Variants in GCLC observed in about 807,000 individuals in gnomAD.
GCLC encodes glutamate--cysteine ligase catalytic subunit.
Under a neutral mutation model 81.5 loss-of-function variants are expected in GCLC, and 30 were observed. The ratio of observed to expected loss-of-function variants is 0.37; its 90% CI spans 0.28 to 0.50. The LOEUF (loss-of-function observed/expected upper bound fraction) is 0.50. Ranked by LOEUF, GCLC falls within the 20% of genes least tolerant of loss-of-function variation. The pLI is 0.96. For missense variants in GCLC, 556 were observed against 777.4 expected (o/e 0.72, Z 3.39); for synonymous variants, 262 against 273.3 (o/e 0.96, Z 0.41).
intron 9 of GCLC, 146 bp downstream of exon 9, chr6:53,507,334 C>G: frequency 1.2e-6 from 1 of 818,608 alleles, no homozygotes; most frequent in Non-Finnish European, 2.0e-6. Context: ...GAACCTGAAA[C>G]TTTAGGAACA....
Position 53,497,428 on chromosome 6 carries a change from A to T in GCLC, c.*1328T>A, listed in dbSNP as rs1420560299. The stretch of plus-strand genomic sequence containing the variant: ...TGCCTTTTTACAACCTGATTTACAC[A>T]AGCAAATTGCAAACGAAAACCAGGC... On this transcript the variant is annotated 3_prime_UTR_variant, in exon 16 of 16. Coordinates refer to ENST00000650454, the MANE Select transcript of GCLC (RefSeq NM_001498.4). 6.6e-6 allele frequency: 1 copy of T among 152,230 alleles called. No individual in the cohort carries two copies. The highest frequency in any genetic ancestry group is 2.4e-5 in the African/African-American group (1 of 41,466). The allele number at this position is 152,230 out of a possible 1,614,324, so 9.4% of individuals were successfully genotyped here.
intron 1 of GCLC, among the ~76,000 whole-genome samples, chr6:53,531,719 G>C (rs1162383697): frequency 6.6e-6 from 1 of 152,188 alleles, no homozygotes; most frequent in African/African-American, 2.4e-5. Flanking sequence ...CTCCTTCAGA[G>C]ACCTTTGCTG....
intron 1 of GCLC, among the ~76,000 whole-genome samples, chr6:53,524,749 C>G (rs1262658247): frequency 2.0e-5 from 3 of 152,216 alleles, no homozygotes; most frequent in African/African-American, 7.2e-5. Flanking sequence ...CTGAGTGCAT[C>G]ATTTATTTTT....
At chr6:53,522,351 A>C in intron 2 of GCLC, 64 bp downstream of exon 2, 1 of 973,822 alleles carries the variant, frequency 1.0e-6, no homozygotes. Flanking sequence ...TAATTGAGAA[A>C]AAACTCTATA....
chr6:53,511,584 AT>A (rs1764742571), intron 6 of GCLC, among the ~76,000 whole-genome samples: 1 of 152,144 alleles, frequency 6.6e-6, no homozygotes, highest in African/African-American at 2.4e-5. Context: ...TGACTTAGTT[AT>A]TTTAAATGCA....
At chr6:53,505,361 T>C (rs1222895145) in intron 12 of GCLC, 31 bp downstream of exon 12, 3 of 875,680 alleles carry the variant, frequency 3.4e-6, no homozygotes, top group Non-Finnish European at 5.9e-6. Flanking sequence ...GATAGATCTA[T>C]ACCCATCACC....
In GCLC at chr6:53,522,530, A is replaced by G; in HGVS notation, c.151-3T>C. 1.3e-6 allele frequency: 2 copies of G among 1,556,216 alleles called. No homozygotes were observed. The highest frequency in any genetic ancestry group is 1.8e-6 in the Non-Finnish European group (2 of 1,127,714). On this transcript the variant is annotated splice_polypyrimidine_tract_variant and splice_region_variant and intron_variant, in intron 1 of 15. Coordinates refer to ENST00000650454, the MANE Select transcript of GCLC (RefSeq NM_001498.4). ...AAAGATACCAACATGTATTCCACCTATTGAAAATAAAGGTGAGAAAAATTA... is the reference window on the plus strand; with the variant it reads ...AAAGATACCAACATGTATTCCACCTGTTGAAAATAAAGGTGAGAAAAATTA...
chr6:53,523,117 C>T (rs1763026309), intron 1 of GCLC: 4 of 154,300 alleles, frequency 2.6e-5, no homozygotes, highest in Admixed American at 1.3e-4. Context: ...AAGGCAACTT[C>T]TCCACTCTGA....
At chr6:53,501,509 C>A (rs886848411) in intron 12 of GCLC, among the ~76,000 whole-genome samples, 1 of 152,194 alleles carries the variant, frequency 6.6e-6, no homozygotes, top group African/African-American at 2.4e-5. Context: ...TAGTAGTAAT[C>A]CCTTATTTTC....
intron 1 of GCLC, 130 bp downstream of exon 1, chr6:53,544,366 G>C: frequency 1.1e-6 from 1 of 875,384 alleles, no homozygotes; most frequent in Non-Finnish European, 1.8e-6. Context: ...GGGGCCGGGA[G>C]GCGCTCGAGG....
At chr6:53,540,350 A>G (rs115180325) in intron 1 of GCLC, among the ~76,000 whole-genome samples, 3,234 of 150,472 alleles carry the variant, frequency 0.021, 127 homozygotes, top group African/African-American at 0.076. Context: ...AGAAAATCCT[A>G]CAGTATGGGA....
chr6:53,498,743 TTCTGTAGAATG>T lies in GCLC; in HGVS notation c.*2_*12del, dbSNP rs753465910. On this transcript the variant is annotated 3_prime_UTR_variant, in exon 16 of 16. Transcript: ENST00000650454. ...CAGTTCGTCAATAATGCATTTTTCTTTCTGTAGAATGTCTAGTTGGATGAGTCAGTTTTACT... is the reference window on the plus strand; with the variant it reads ...CAGTTCGTCAATAATGCATTTTTCTTTCTAGTTGGATGAGTCAGTTTTACT... 1.5e-5 allele frequency: 23 copies of T among 1,539,796 alleles called. No homozygotes were observed. In the African/African-American group the frequency reaches 2.7e-4, roughly 18 times the overall value.
At chr6:53,532,097 C>A (rs1395057103) in intron 1 of GCLC, among the ~76,000 whole-genome samples, 1 of 152,216 alleles carries the variant, frequency 6.6e-6, no homozygotes, top group Non-Finnish European at 1.5e-5. Context: ...TTTACATATA[C>A]GTGAGTGGAA....
chr6:53,540,805 A>G (rs1319154932), intron 1 of GCLC, among the ~76,000 whole-genome samples: 1 of 152,190 alleles, frequency 6.6e-6, no homozygotes, highest in Non-Finnish European at 1.5e-5. Context: ...GATTAGATTC[A>G]CATGATGATG....
chr6:53,516,135 T>G lies in GCLC; in HGVS notation c.534A>C (p.Glu178Asp). 6.2e-7 allele frequency: 1 copy of G among 1,612,734 alleles called. No individual in the cohort carries two copies. Among genetic ancestry groups the G allele is most frequent in the Non-Finnish European group, 8.5e-7 (1 of 1,178,724 alleles). The change falls in exon 4 of 16, where the codon GAA (glutamate) becomes GAC (aspartate). Residue 178 changes from glutamate (E) to aspartate (D), a missense_variant. Physicochemically the swap from Glu to Asp is conservative, Grantham distance 45. Around this residue, in one of 3 missense-constraint regions of GCLC, gnomAD observed 234 missense variants for 303.8 expected, o/e 0.77. Coordinates refer to ENST00000650454, the MANE Select transcript of GCLC (RefSeq NM_001498.4). ...GASKSLFFPD[E>D]AINKHPRFST... is the part of the protein sequence containing the mutation. ...TGAAGCGAGGGTGCTTGTTTATTGC[T>G]TCATCTGGAAAGAAGAGGGACTTGG...
chr6:53,532,171 T>C (rs976137510), intron 1 of GCLC, among the ~76,000 whole-genome samples: 3 of 152,276 alleles, frequency 2.0e-5, no homozygotes, highest in African/African-American at 4.8e-5. Flanking sequence ...CACTTTTTAT[T>C]AGGGCTTCAG....
intron 6 of GCLC, among the ~76,000 whole-genome samples, chr6:53,512,180 AGT>A (rs1764766476): frequency 6.6e-6 from 1 of 151,874 alleles, no homozygotes; most frequent in Admixed American, 6.6e-5. Context: ...CCTGACCTCA[AGT>A]GATCTGCCCA....
chr6:53,499,073 A>G (rs1430240536), intron 15 of GCLC, 106 bp from the exon 16 acceptor site: 13 of 766,456 alleles, frequency 1.7e-5, no homozygotes, highest in Non-Finnish European at 2.3e-5. Context: ...AGAGAAATCA[A>G]TATGTCCTTT....
At chr6:53,517,079 AT>A (rs71546114) in intron 3 of GCLC, among the ~76,000 whole-genome samples, 153 of 104,410 alleles carry the variant, frequency 1.5e-3, no homozygotes, top group African/African-American at 1.5e-3. Context: ...TTAAAAAAAA[AT>A]TTTTTTTTTT....
Sources: allele counts gnomAD v4.1 joint callset (sites outside exome capture counted in the v4.1 genomes callset), GRCh38; gene constraint gnomAD v4.1.1; regional missense constraint gnomAD v4.1.1; transcripts MANE v1.5; gene names NCBI Gene and HGNC (gene_info 2026-07-23, HGNC 2026-07-21).